The following PAN3 variants were observed in gnomAD, a reference collection of about 807,000 sequenced individuals.
The protein encoded by PAN3 is PAN2-PAN3 deadenylation complex subunit PAN3.
A neutral mutation model predicts 96.2 loss-of-function variants in PAN3; 19 were observed. That is an observed-to-expected ratio of 0.20 (90% CI 0.14 to 0.29). The LOEUF (loss-of-function observed/expected upper bound fraction) is 0.29. PAN3 is among the 10% of genes least tolerant of loss of function. The probability of loss-of-function intolerance (pLI) is 1.00; values close to 1 mark genes in which losing one functional copy is unlikely to be tolerated. For missense variants in PAN3, 882 were observed against 1,108.1 expected (o/e 0.80, Z 2.90); for synonymous variants, 433 against 406.6 (o/e 1.06, Z -0.78).
chr13:28,217,507 G>A (rs1375601279), intron 5 of PAN3, among the ~76,000 whole-genome samples: 1 of 151,950 alleles, frequency 6.6e-6, no homozygotes, highest in East Asian at 1.9e-4. Context: ...ACTTGAACCT[G>A]CGAGGCGGAA....
intron 18 of PAN3, among the ~76,000 whole-genome samples, chr13:28,290,545 G>A (rs1420521207): frequency 6.6e-6 from 1 of 152,080 alleles, no homozygotes; most frequent in African/African-American, 2.4e-5. Context: ...GCCGGGCGTG[G>A]TGGTACATGC....
In PAN3 at chr13:28,293,870, T is replaced by A. The variant is rs1294013103; in HGVS notation, c.*1348T>A. 1 of 152,670 alleles carries A rather than the reference T, an allele frequency of 6.6e-6. No individual in the cohort carries two copies. Among genetic ancestry groups the A allele is most frequent in the Non-Finnish European group, 1.5e-5 (1 of 68,042 alleles). The allele number at this position is 152,670 out of a possible 1,614,324, so 9.5% of individuals were successfully genotyped here. ...CTATATCTCCTTTCCCAGCACTGAATGTTTTACTAGCACTGGGTGCTCACC... is the reference window on the plus strand; with the variant it reads ...CTATATCTCCTTTCCCAGCACTGAAAGTTTTACTAGCACTGGGTGCTCACC... On this transcript the variant is annotated 3_prime_UTR_variant, in exon 19 of 19. Transcript: ENST00000380958.
intron 5 of PAN3, chr13:28,215,432 T>C (rs1285522643): frequency 2.8e-6 from 2 of 705,336 alleles, no homozygotes; most frequent in Non-Finnish European, 5.2e-6. Flanking sequence ...GGAGACATTA[T>C]GGGCTTCAAT....
intron 2 of PAN3, among the ~76,000 whole-genome samples, chr13:28,175,559 G>A (rs953396515): frequency 6.6e-6 from 1 of 152,176 alleles, no homozygotes; most frequent in Non-Finnish European, 1.5e-5. Flanking sequence ...TCCTGGCCTA[G>A]TGTTTATACT....
Position 28,293,176 on chromosome 13 carries a change from C to T in PAN3, c.*654C>T, listed in dbSNP as rs1381929217. On this transcript the variant is annotated 3_prime_UTR_variant, in exon 19 of 19. Coordinates refer to ENST00000380958, the MANE Select transcript of PAN3 (RefSeq NM_175854.8). ...AATTCCCTGTTAGTTGATTTAAATC[C>T]TTTCTGAATAAAGATCAGATAAACA... 6.6e-6 allele frequency: 1 copy of T among 152,056 alleles called. No individual in the cohort carries two copies. The highest frequency in any genetic ancestry group is 1.5e-5 in the Non-Finnish European group (1 of 68,026). The allele number at this position is 152,056 out of a possible 1,614,324, so 9.4% of individuals were successfully genotyped here. A position where few individuals can be genotyped will look rare whatever the true frequency, so the allele number is the denominator to read the frequency against.
intron 4 of PAN3, among the ~76,000 whole-genome samples, chr13:28,179,910 G>A (rs938896467): frequency 6.6e-6 from 1 of 151,730 alleles, no homozygotes; most frequent in African/African-American, 2.4e-5. Context: ...AGAATATATA[G>A]TACCTATTCT....
intron 9 of PAN3, among the ~76,000 whole-genome samples, chr13:28,264,297 G>C (rs1280335512): frequency 1.3e-5 from 2 of 152,208 alleles, no homozygotes; most frequent in East Asian, 3.8e-4. Context: ...CCAGCACTTT[G>C]GGAGGCCAAG....
chr13:28,141,484 T>TTA (rs1869825625), intron 1 of PAN3, among the ~76,000 whole-genome samples: 1 of 139,224 alleles, frequency 7.2e-6, no homozygotes, highest in African/African-American at 3.0e-5. Flanking sequence ...TTTTTTTTTT[T>TTA]GAGACGGAGT....
At chr13:28,264,213 T>G (rs905411933) in intron 9 of PAN3, among the ~76,000 whole-genome samples, 5 of 152,146 alleles carry the variant, frequency 3.3e-5, no homozygotes, top group African/African-American at 1.2e-4. Context: ...TGTAAATAAT[T>G]GATAAATTGA....
intron 4 of PAN3, among the ~76,000 whole-genome samples, chr13:28,194,936 C>T (rs545032376): frequency 6.6e-6 from 1 of 152,134 alleles, no homozygotes; most frequent in East Asian, 1.9e-4. Context: ...TCACTTATAA[C>T]GTGGTTCCAT....
chr13:28,200,805 T>A (rs1000230654), intron 5 of PAN3, among the ~76,000 whole-genome samples: 5 of 152,200 alleles, frequency 3.3e-5, no homozygotes, highest in Non-Finnish European at 5.9e-5. Flanking sequence ...TCTCCATTAA[T>A]ATGTTTGTAA....
At chr13:28,181,120 C>G (rs1875712823) in intron 4 of PAN3, among the ~76,000 whole-genome samples, 1 of 152,162 alleles carries the variant, frequency 6.6e-6, no homozygotes, top group Non-Finnish European at 1.5e-5. Flanking sequence ...TTAGTAAACT[C>G]TAATTCTTCT....
At chr13:28,149,570 ATATTGT>A (rs1871105632) in intron 1 of PAN3, among the ~76,000 whole-genome samples, 1 of 151,988 alleles carries the variant, frequency 6.6e-6, no homozygotes, top group Non-Finnish European at 1.5e-5. Context: ...TAATAAAATT[ATATTGT>A]TATTGATTAT....
intron 4 of PAN3, among the ~76,000 whole-genome samples, chr13:28,185,870 A>C (rs1876397482): frequency 6.6e-6 from 1 of 152,166 alleles, no homozygotes; most frequent in Non-Finnish European, 1.5e-5. Context: ...CACTCTGGTC[A>C]TTCTATTTGC....
chr13:28,193,603 C>T (rs976541216), intron 4 of PAN3, among the ~76,000 whole-genome samples: 1 of 151,580 alleles, frequency 6.6e-6, no homozygotes, highest in African/African-American at 2.4e-5. Context: ...ATTAGCTGGG[C>T]GTGGTGGTAC....
At chr13:28,145,820 C>T (rs1010636597) in intron 1 of PAN3, among the ~76,000 whole-genome samples, 3 of 143,458 alleles carry the variant, frequency 2.1e-5, no homozygotes, top group Non-Finnish European at 4.5e-5. Flanking sequence ...AGTGCAGTGG[C>T]GCAATTTTGG....
chr13:28,151,086 C>T (rs1407495701), intron 1 of PAN3, among the ~76,000 whole-genome samples: 2 of 151,994 alleles, frequency 1.3e-5, no homozygotes, highest in Non-Finnish European at 2.9e-5. Context: ...GATAGCCAAG[C>T]CAGTCATCAG....
chr13:28,283,716 A>G (rs565937409), intron 17 of PAN3, among the ~76,000 whole-genome samples: 4 of 152,336 alleles, frequency 2.6e-5, no homozygotes, highest in African/African-American at 9.6e-5. Flanking sequence ...TAACAACCCT[A>G]TGATGGAGTT....
intron 7 of PAN3, among the ~76,000 whole-genome samples, chr13:28,257,679 T>C (rs1302364168): frequency 4.3e-5 from 6 of 138,880 alleles, no homozygotes; most frequent in Non-Finnish European, 9.3e-5. Context: ...TGTAAAGTTA[T>C]TAAATTATAT....
Sources: allele counts gnomAD v4.1 joint callset (sites outside exome capture counted in the v4.1 genomes callset), GRCh38; gene constraint gnomAD v4.1.1; transcripts MANE v1.5; gene names NCBI Gene and HGNC (gene_info 2026-07-23, HGNC 2026-07-21).